The following IP6K1 variants were observed in gnomAD, a reference collection of about 807,000 sequenced individuals.
The protein encoded by IP6K1 is inositol hexakisphosphate kinase 1.
In IP6K1, 13 loss-of-function variants were observed where a neutral mutation model predicts 38.3. The ratio of observed to expected loss-of-function variants is 0.34; its 90% CI spans 0.22 to 0.54. The LOEUF (loss-of-function observed/expected upper bound fraction) is 0.54, where lower values mean the gene tolerates loss of function less well. IP6K1 is among the 20% of genes least tolerant of loss of function. The probability of loss-of-function intolerance (pLI) is 0.92; values close to 1 mark genes in which losing one functional copy is unlikely to be tolerated. For missense variants in IP6K1, 397 were observed against 599.8 expected (o/e 0.66, Z 3.53); for synonymous variants, 212 against 229.9 (o/e 0.92, Z 0.70).
Position 49,727,131 on chromosome 3 carries a change from C to G in IP6K1, c.1317G>C (p.Glu439Asp), listed in dbSNP as rs777709067. 6.2e-7 allele frequency: 1 copy of G among 1,602,318 alleles called. No individual in the cohort carries two copies. Among genetic ancestry groups the G allele is most frequent in the Admixed American group, 1.7e-5 (1 of 59,492 alleles). ...GGGCCCAGAACAGGGCCTACTGGTT[C>G]TCGTCCCGCATCTGTTCCATGATGC... The part of the protein sequence containing the change: ...LISIMEQMRD[E>D]NQ The change falls in exon 6 of 6, where the codon GAG (glutamate) becomes GAC (aspartate). Residue 439 changes from glutamate to aspartate, a missense_variant. By Grantham distance (45) the Glu-to-Asp change is conservative. This residue lies in a region of IP6K1 where 164 missense variants were observed against 213.5 expected (regional missense o/e 0.77). Coordinates refer to ENST00000321599, the MANE Select transcript of IP6K1 (RefSeq NM_153273.4). This position sits in a 1 kb window ranked among gnomAD's most constrained non-coding sequence, Gnocchi z 5.9.
intron 1 of IP6K1, among the ~76,000 whole-genome samples, chr3:49,750,649 G>A (rs947250219): frequency 1.3e-5 from 2 of 151,902 alleles, no homozygotes; most frequent in African/African-American, 4.8e-5. Context: ...TCAGTGAGCC[G>A]AGATTGCGCC....
chr3:49,782,804 T>C (rs2081077679), intron 1 of IP6K1, among the ~76,000 whole-genome samples: 1 of 151,562 alleles, frequency 6.6e-6, no homozygotes, highest in Non-Finnish European at 1.5e-5. Context: ...TTTAAGAGAC[T>C]GTCTCTTAAA....
intron 1 of IP6K1, among the ~76,000 whole-genome samples, chr3:49,751,984 C>T (rs1330078313): frequency 6.6e-6 from 1 of 152,084 alleles, no homozygotes; most frequent in East Asian, 1.9e-4. Context: ...AAAGAAGTTT[C>T]TCATGTTAAT....
At chr3:49,781,273 G>A (rs1018525918) in intron 1 of IP6K1, among the ~76,000 whole-genome samples, 1 of 152,172 alleles carries the variant, frequency 6.6e-6, no homozygotes, top group Non-Finnish European at 1.5e-5. Context: ...ATGTTGGCTA[G>A]GCTGGTCTCG....
chr3:49,743,428 T>C (rs2080690699), intron 2 of IP6K1, among the ~76,000 whole-genome samples: 1 of 151,600 alleles, frequency 6.6e-6, no homozygotes, highest in Non-Finnish European at 1.5e-5. Flanking sequence ...CTCTTAAATC[T>C]CAGCACTATG....
chr3:49,767,560 C>A (rs1478265699), intron 1 of IP6K1, among the ~76,000 whole-genome samples: 1 of 151,468 alleles, frequency 6.6e-6, no homozygotes, highest in Non-Finnish European at 1.5e-5. Context: ...GGCTAGGTGA[C>A]AGAGTGAGAC....
chr3:49,727,567 T>C lies in IP6K1; in HGVS notation c.881A>G (p.Tyr294Cys), dbSNP rs2080520418. 1.9e-6 allele frequency: 3 copies of C among 1,614,078 alleles called. No individual in the cohort carries two copies. The highest frequency in any genetic ancestry group is 3.3e-5 in the Admixed American group (2 of 60,002). ...GTCCAGGCCATTGTGCAGATATTGA[T>C]AGAGGGCATTGCGGAAGCCTTCAAT... is the stretch of plus-strand genomic sequence containing the variant. ...LSIEGFRNAL[Y>C]QYLHNGLDLR... The change falls in exon 6 of 6, where the codon TAT becomes TGT. Residue 294 changes from tyrosine to cysteine, a missense_variant. Physicochemically the swap from Tyr to Cys is radical, Grantham distance 194. Coordinates refer to ENST00000321599, the MANE Select transcript of IP6K1 (RefSeq NM_153273.4). The surrounding 1 kb of genome is among the most constrained non-coding windows in gnomAD (Gnocchi z 5.9).
chr3:49,781,938 T>G (rs1050902457), intron 1 of IP6K1, among the ~76,000 whole-genome samples: 3 of 151,198 alleles, frequency 2.0e-5, no homozygotes, highest in African/African-American at 7.3e-5. Flanking sequence ...AAATTAAAAT[T>G]AAAAATTAGC....
chr3:49,766,682 A>G (rs1289353759), intron 1 of IP6K1, among the ~76,000 whole-genome samples: 1 of 143,348 alleles, frequency 7.0e-6, no homozygotes, highest in African/African-American at 2.6e-5. Context: ...AAAAGAAAGA[A>G]ATCAGCCAGG....
chr3:49,729,518 C>G (rs2080545764), intron 4 of IP6K1, among the ~76,000 whole-genome samples: 1 of 151,694 alleles, frequency 6.6e-6, no homozygotes, highest in Non-Finnish European at 1.5e-5. Flanking sequence ...AGTGATTCTC[C>G]TGCCTCAGCC....
intron 1 of IP6K1, among the ~76,000 whole-genome samples, chr3:49,750,062 C>A (rs2080759877): frequency 6.6e-6 from 1 of 152,170 alleles, no homozygotes; most frequent in Admixed American, 6.5e-5. Context: ...ACTGTCATCA[C>A]CACCAAACCA....
intron 1 of IP6K1, among the ~76,000 whole-genome samples, chr3:49,766,183 C>A: frequency 6.6e-6 from 1 of 151,368 alleles, no homozygotes; most frequent in Non-Finnish European, 1.5e-5. Flanking sequence ...CTCAAAAAAA[C>A]AAAAACAAAA....
At chr3:49,772,361 T>C (rs1224078676) in intron 1 of IP6K1, among the ~76,000 whole-genome samples, 1 of 148,396 alleles carries the variant, frequency 6.7e-6, no homozygotes, top group Non-Finnish European at 1.5e-5. Flanking sequence ...AAAATATATA[T>C]ATATAGAAGG....
At chr3:49,752,435 G>T (rs979696008) in intron 1 of IP6K1, among the ~76,000 whole-genome samples, 17 of 151,022 alleles carry the variant, frequency 1.1e-4, no homozygotes, top group African/African-American at 3.4e-4. Context: ...CTTGCAGTGA[G>T]CCGAGATCGC....
At chr3:49,752,902 AC>A (rs71080550) in intron 1 of IP6K1, among the ~76,000 whole-genome samples, 1 of 150,282 alleles carries the variant, frequency 6.7e-6, no homozygotes. Context: ...CTACAAGCGC[AC>A]CCCACCATGC....
rs1313494484 is a variant in IP6K1 at position 49,727,103 on chromosome 3, T to TG, written c.*18dup. The TG allele has an allele frequency of 1.9e-6, 3 of 1,566,938 alleles. No individual in the cohort carries two copies. The highest frequency in any genetic ancestry group is 2.6e-6 in the Non-Finnish European group (3 of 1,153,958). On this transcript the variant is annotated 3_prime_UTR_variant, in exon 6 of 6. Transcript: ENST00000321599. This position sits in a 1 kb window ranked among gnomAD's most constrained non-coding sequence, Gnocchi z 5.9. ...GCCTGCAGTGGAGAGGAAGGGGTTC[T>TG]GGGGGCCCAGAACAGGGCCTACTGG... is the stretch of plus-strand genomic sequence containing the variant.
Position 49,724,425 on chromosome 3 carries a change from G to GC in IP6K1, c.*2696dup, listed in dbSNP as rs1018462726. 1.3e-5 allele frequency: 2 copies of GC among 152,206 alleles called. No individual in the cohort carries two copies. Among genetic ancestry groups the GC allele is most frequent in the African/African-American group, 4.8e-5 (2 of 41,430 alleles). 9.4% of individuals were successfully genotyped at this position (152,206 alleles called of 1,614,324 possible). A position where few individuals can be genotyped will look rare whatever the true frequency, so the allele number is the denominator to read the frequency against. ...CCCGCACGCAAGGTCCAAAGCAAAC[G>GC]CAACTGCGGCGGGAGCCACCGGCGC... is the stretch of plus-strand genomic sequence containing the variant. On this transcript the variant is annotated 3_prime_UTR_variant, in exon 6 of 6. Transcript: ENST00000321599.
intron 4 of IP6K1, among the ~76,000 whole-genome samples, chr3:49,732,338 C>T (rs908254707): frequency 1.3e-5 from 2 of 152,198 alleles, no homozygotes; most frequent in South Asian, 4.1e-4. Context: ...GGGAAAACTA[C>T]ACACATGCAC....
intron 2 of IP6K1, among the ~76,000 whole-genome samples, chr3:49,740,927 C>G (rs955521367): frequency 4.6e-5 from 7 of 150,778 alleles, no homozygotes; most frequent in African/African-American, 1.7e-4. Flanking sequence ...AACCTCAGCT[C>G]ACTGCAATCT....
Sources: allele counts gnomAD v4.1 joint callset (sites outside exome capture counted in the v4.1 genomes callset), GRCh38; gene constraint gnomAD v4.1.1; regional missense constraint gnomAD v4.1.1; non-coding constraint Gnocchi (gnomAD v3.1); transcripts MANE v1.5; gene names NCBI Gene and HGNC (gene_info 2026-07-23, HGNC 2026-07-21).